The following TASP1 variants were observed in gnomAD, a reference collection of about 807,000 sequenced individuals.
The protein encoded by TASP1 is threonine aspartase 1.
In TASP1, 16 loss-of-function variants were observed where a neutral mutation model predicts 56.6. The observed-to-expected ratio is 0.28, with a 90% confidence interval of 0.19 to 0.43. The LOEUF (loss-of-function observed/expected upper bound fraction) is 0.43, where lower values mean the gene tolerates loss of function less well. Ranked by LOEUF, TASP1 falls within the 20% of genes least tolerant of loss-of-function variation. The pLI is 1.00. For missense variants in TASP1, 393 were observed against 511.6 expected, an observed-to-expected ratio of 0.77 and a Z score of 2.24; for synonymous variants, 179 against 184.2, an observed-to-expected ratio of 0.97 and a Z score of 0.23.
intron 10 of TASP1, among the ~76,000 whole-genome samples, chr20:13,524,987 A>G (rs1241956130): frequency 6.6e-6 from 1 of 152,214 alleles, no homozygotes; most frequent in Non-Finnish European, 1.5e-5. Context: ...CTTTGCTATC[A>G]GTGAAGGAAA....
At position 13,472,315 on chromosome 20, in the gene TASP1, C is replaced by A. The variant is rs190695872; in HGVS notation, c.985+10912G>T. On this transcript the variant is annotated intron_variant, in intron 11 of 13. Coordinates refer to ENST00000337743, the MANE Select transcript of TASP1 (RefSeq NM_017714.3). ...GCTGAAACTGGATCCCCTCTTTACACCTTATACAAAAATTAATTTGAGATG... is the reference window on the plus strand; with the variant it reads ...GCTGAAACTGGATCCCCTCTTTACAACTTATACAAAAATTAATTTGAGATG... 7.9e-5 allele frequency among the ~76,000 whole-genome samples: 12 copies of A among 151,060 alleles called. No individual in the cohort carries two copies. In the East Asian group the frequency reaches 2.3e-3, roughly 29 times the overall value.
chr20:13,508,747 A>T (rs2044219126), intron 10 of TASP1, among the ~76,000 whole-genome samples: 1 of 152,218 alleles, frequency 6.6e-6, no homozygotes, highest in South Asian at 2.1e-4. Flanking sequence ...AAGTTGTTCA[A>T]CATCACTATC....
the TASP1 span, among the ~76,000 whole-genome samples, chr20:13,170,807 A>G: frequency 6.6e-6 from 1 of 152,234 alleles, no homozygotes; most frequent in East Asian, 1.9e-4. Context: ...TGGGCCAAGA[A>G]CTAAGGCAAG....
the TASP1 span, among the ~76,000 whole-genome samples, chr20:13,310,856 A>G: frequency 7.2e-5 from 11 of 152,318 alleles, no homozygotes; most frequent in African/African-American, 2.4e-4. Context: ...AATTAAAACT[A>G]CAATAGGATA....
chr20:13,215,231 T>C, the TASP1 span, among the ~76,000 whole-genome samples: 1 of 152,244 alleles, frequency 6.6e-6, no homozygotes, highest in Non-Finnish European at 1.5e-5. Context: ...TTTAATTCTC[T>C]GGGCCTGTTG....
rs200881045 is a variant in TASP1, at chr20:13,417,552, T to C, written c.1097-31A>G. On this transcript the variant is annotated intron_variant, in intron 12 of 13. Transcript: ENST00000337743. ...ATAAAAGAGAACACAAATAGGCACA[T>C]TCAGATCACAGATGGAAAATAAATC... The C allele has an allele frequency of 1.2e-4, 197 of 1,610,048 alleles. No homozygotes were observed. The African/African-American group carries it at 2.1e-3, about 17-fold the overall frequency.
At chr20:13,430,152 C>G (rs574459276) in intron 12 of TASP1, among the ~76,000 whole-genome samples, 1 of 152,292 alleles carries the variant, frequency 6.6e-6, no homozygotes, top group South Asian at 2.1e-4. Context: ...AACCAAAACC[C>G]AACAGCTGCC....
At chr20:13,226,753 C>T in the TASP1 span, among the ~76,000 whole-genome samples, 1 of 152,178 alleles carries the variant, frequency 6.6e-6, no homozygotes, top group African/African-American at 2.4e-5. Context: ...GGACTCAGAG[C>T]AGCAAGAGAA....
At chr20:13,375,781 T>C in the TASP1 span, among the ~76,000 whole-genome samples, 1,554 of 152,344 alleles carry the variant, frequency 0.01, 24 homozygotes, top group African/African-American at 0.036. Flanking sequence ...CCATTCTAAC[T>C]GGCATGAGAC....
rs551792010 is a variant in TASP1, at chr20:13,489,742, T to C, written c.875-6405A>G. ...TTCAGTTCTCTTTTTTAAGGCTACA[T>C]CCATTCCTATCATAAATAATATAAA... On this transcript the variant is annotated intron_variant, in intron 10 of 13. Transcript: ENST00000337743. Among the ~76,000 whole-genome samples the C allele has an allele frequency of 8.5e-5, 13 of 152,270 alleles. No individual in the cohort carries two copies. The East Asian group carries it at 2.5e-3, about 29-fold the overall frequency.
chr20:13,228,641 G>A, the TASP1 span, among the ~76,000 whole-genome samples: 11 of 152,120 alleles, frequency 7.2e-5, no homozygotes, highest in African/African-American at 2.4e-4. Context: ...TTAGCTGTTA[G>A]TCCTGTTCAG....
the TASP1 span, among the ~76,000 whole-genome samples, chr20:13,376,430 CTA>C: frequency 1.3e-5 from 2 of 152,060 alleles, no homozygotes; most frequent in East Asian, 3.9e-4. Context: ...TTCCATTGGT[CTA>C]TATATCTGTT....
At chr20:13,432,009 A>G (rs2042827325) in intron 12 of TASP1, among the ~76,000 whole-genome samples, 1 of 152,222 alleles carries the variant, frequency 6.6e-6, no homozygotes, top group Non-Finnish European at 1.5e-5. Flanking sequence ...TTCTTTACAA[A>G]CTACTCAGAT....
intron 4 of TASP1, among the ~76,000 whole-genome samples, chr20:13,620,882 A>G (rs1366990705): frequency 1.3e-5 from 2 of 152,206 alleles, no homozygotes; most frequent in African/African-American, 2.4e-5. Flanking sequence ...AGCTATTACA[A>G]TACTACCCCA....
At chr20:13,373,305 A>T in the TASP1 span, among the ~76,000 whole-genome samples, 1 of 152,048 alleles carries the variant, frequency 6.6e-6, no homozygotes, top group Non-Finnish European at 1.5e-5. Context: ...AAGAAAGAAA[A>T]ATATATATAC....
At chr20:13,117,779 G>A in the TASP1 span, 23 of 1,476,152 alleles carry the variant, frequency 1.6e-5, no homozygotes, top group East Asian at 6.8e-5. Context: ...TGGGGATGCC[G>A]TGTGTAGGGC....
chr20:13,171,018 G>T, the TASP1 span, among the ~76,000 whole-genome samples: 1 of 152,172 alleles, frequency 6.6e-6, no homozygotes, highest in South Asian at 2.1e-4. Flanking sequence ...GTAGCAATGT[G>T]GGGTCATGGA....
chr20:13,545,805 C>A (rs180777585), intron 8 of TASP1, among the ~76,000 whole-genome samples: 15 of 152,256 alleles, frequency 9.9e-5, no homozygotes, highest in African/African-American at 3.6e-4. Flanking sequence ...AGAAAACCTA[C>A]GGTGCAACCA....
At chr20:13,525,503 G>A (rs2044940976) in intron 10 of TASP1, among the ~76,000 whole-genome samples, 1 of 152,032 alleles carries the variant, frequency 6.6e-6, no homozygotes, top group South Asian at 2.1e-4. Context: ...TATCCCTCAG[G>A]CTAATGACCA....
Sources: allele counts gnomAD v4.1 joint callset (sites outside exome capture counted in the v4.1 genomes callset), GRCh38; gene constraint gnomAD v4.1.1; transcripts MANE v1.5; gene names NCBI Gene and HGNC (gene_info 2026-07-23, HGNC 2026-07-21).